Variants in ROBO2 observed in about 807,000 individuals in gnomAD.
ROBO2 encodes roundabout homolog 2.
A neutral mutation model predicts 160.8 loss-of-function variants in ROBO2; 53 were observed. The ratio of observed to expected loss-of-function variants is 0.33; its 90% CI spans 0.26 to 0.41. The LOEUF is 0.41. ROBO2 is among the 10% of genes least tolerant of loss of function. ROBO2 has a pLI of 1.00. For synonymous variants in ROBO2, 664 were observed against 611.7 expected (o/e 1.09, Z -1.26); for missense variants, 1,577 against 1,722.4 (o/e 0.92, Z 1.49).
intron 2 of ROBO2, among the ~76,000 whole-genome samples, chr3:77,257,245 G>T (rs2058477483): frequency 6.6e-6 from 1 of 152,172 alleles, no homozygotes; most frequent in African/African-American, 2.4e-5. Context: ...CCGTATCAGG[G>T]AAAAGACCGG....
intron 2 of ROBO2, among the ~76,000 whole-genome samples, chr3:76,828,254 C>G (rs564880310): frequency 6.6e-6 from 1 of 151,972 alleles, no homozygotes; most frequent in Non-Finnish European, 1.5e-5. Context: ...AAGTCTCTAC[C>G]TAGTACAAGA....
At chr3:75,941,455 A>G (rs1948049699) in intron 2 of ROBO2, among the ~76,000 whole-genome samples, 1 of 152,222 alleles carries the variant, frequency 6.6e-6, no homozygotes, top group Non-Finnish European at 1.5e-5. Flanking sequence ...TAGGGTTTAA[A>G]TGTAGCAAAA....
At chr3:76,954,137 G>A (rs1559757631) in intron 2 of ROBO2, among the ~76,000 whole-genome samples, 1 of 152,146 alleles carries the variant, frequency 6.6e-6, no homozygotes, top group Admixed American at 6.5e-5. Flanking sequence ...ATTGGAAAAT[G>A]TTTATCAAGT....
upstream of ROBO2, among the ~76,000 whole-genome samples, chr3:77,037,353 T>C (rs1219247191): frequency 6.6e-6 from 1 of 152,132 alleles, no homozygotes; most frequent in African/African-American, 2.4e-5. Context: ...AGCTAGTGTA[T>C]GGCAAACAAC....
chr3:75,923,779 A>T (rs1405191993), intron 1 of ROBO2, among the ~76,000 whole-genome samples: 1 of 152,248 alleles, frequency 6.6e-6, no homozygotes, highest in Non-Finnish European at 1.5e-5. Flanking sequence ...AGCACATAGG[A>T]AACACAAACC....
intron 2 of ROBO2, among the ~76,000 whole-genome samples, chr3:76,221,723 G>A (rs910193002): frequency 3.3e-5 from 5 of 152,272 alleles, no homozygotes; most frequent in Admixed American, 2.0e-4. Flanking sequence ...TGGTAAGACC[G>A]ATGGACTTCA....
intron 2 of ROBO2, among the ~76,000 whole-genome samples, chr3:76,129,617 G>A (rs559175867): frequency 6.6e-6 from 1 of 152,140 alleles, no homozygotes; most frequent in Admixed American, 6.5e-5. Context: ...TCCCCACTAA[G>A]GCATTGTGAC....
At chr3:76,916,348 G>A (rs1000485758) in intron 2 of ROBO2, among the ~76,000 whole-genome samples, 1 of 151,954 alleles carries the variant, frequency 6.6e-6, no homozygotes, top group Admixed American at 6.6e-5. Flanking sequence ...GGACAGATAT[G>A]TACCTTTTTT....
chr3:76,071,210 A>C (rs2068442347), intron 2 of ROBO2, among the ~76,000 whole-genome samples: 1 of 152,186 alleles, frequency 6.6e-6, no homozygotes, highest in South Asian at 2.1e-4. Context: ...CAGGTTGCTT[A>C]ATCATAAATG....
At chr3:77,277,487 G>T (rs527835775) in intron 2 of ROBO2, among the ~76,000 whole-genome samples, 2 of 151,950 alleles carry the variant, frequency 1.3e-5, no homozygotes, top group Non-Finnish European at 2.9e-5. Context: ...AGTGTGTGTT[G>T]TTTCCCCACT....
chr3:76,495,153 C>G (rs967306542), intron 2 of ROBO2, among the ~76,000 whole-genome samples: 2 of 151,334 alleles, frequency 1.3e-5, no homozygotes, highest in Non-Finnish European at 2.9e-5. Context: ...TGGAATCTAA[C>G]TCTTTAGTAT....
intron 23 of ROBO2, 124 bp downstream of exon 24, chr3:77,622,556 G>A (rs550115122): frequency 1.1e-5 from 9 of 831,952 alleles, no homozygotes; most frequent in Non-Finnish European, 1.5e-5. Context: ...TTTTAAATGT[G>A]TTAATATTAA....
intron 2 of ROBO2, among the ~76,000 whole-genome samples, chr3:76,024,911 A>G (rs2066688772): frequency 6.6e-6 from 1 of 150,828 alleles, no homozygotes; most frequent in African/African-American, 2.4e-5. Flanking sequence ...GGGCAGGCAT[A>G]AAAGTATATG....
At chr3:76,702,701 A>G (rs117823947) in intron 2 of ROBO2, among the ~76,000 whole-genome samples, 2,185 of 152,198 alleles carry the variant, frequency 0.014, 113 homozygotes, top group Admixed American at 0.087. Context: ...ATTTGAATCT[A>G]TTCTGAGTTA....
At chr3:76,408,846 T>G (rs577257339) in intron 2 of ROBO2, among the ~76,000 whole-genome samples, 2 of 152,180 alleles carry the variant, frequency 1.3e-5, no homozygotes, top group Middle Eastern at 6.8e-3. Flanking sequence ...TAATTTGGAG[T>G]AAAATTTTGC....
intron 2 of ROBO2, among the ~76,000 whole-genome samples, chr3:77,188,719 C>T (rs913530430): frequency 6.6e-6 from 1 of 151,790 alleles, no homozygotes; most frequent in African/African-American, 2.4e-5. Context: ...TCTCTACATT[C>T]TGTGTTCACC....
In ROBO2 at chr3:76,158,341, C is replaced by T. The variant is rs147875128; in HGVS notation, c.109+220739C>T. Among the ~76,000 whole-genome samples the T allele has an allele frequency of 3.3e-5, 5 of 152,156 alleles. No homozygotes were observed. In the East Asian group the frequency reaches 9.7e-4, roughly 30 times the overall value. The stretch of plus-strand genomic sequence containing the variant: ...TCTAAGAGTCAGGAAAATCCTCTCT[C>T]TAACTATAGGCTTGTGTTTTTATGA... On this transcript the variant is annotated intron_variant, in intron 2 of 26. Transcript: ENST00000487694.
chr3:77,399,299 AG>A (rs2075583444), intron 2 of ROBO2, among the ~76,000 whole-genome samples: 1 of 152,202 alleles, frequency 6.6e-6, no homozygotes, highest in African/African-American at 2.4e-5. Flanking sequence ...TCTCCAGAAA[AG>A]CTCTGCAGAT....
chr3:76,040,919 G>T (rs1321523152), intron 2 of ROBO2, among the ~76,000 whole-genome samples: 1 of 151,938 alleles, frequency 6.6e-6, no homozygotes, highest in South Asian at 2.1e-4. Flanking sequence ...GAACTGGGAG[G>T]GGGAGGTTGC....
Sources: gnomAD v4.1 joint callset for allele counts (sites outside exome capture counted in the v4.1 genomes callset) on GRCh38, gnomAD v4.1.1 for gene constraint, MANE v1.5 for transcripts, NCBI Gene and HGNC (gene_info 2026-07-23, HGNC 2026-07-21) for gene names.